Variants in DOCK4 observed in about 807,000 individuals in gnomAD.
DOCK4 encodes the protein dedicator of cytokinesis protein 4.
Under a neutral mutation model 268.1 loss-of-function variants are expected in DOCK4, and 97 were observed. That is an observed-to-expected ratio of 0.36 (90% confidence interval 0.31 to 0.43). The LOEUF is 0.43. Ranked by LOEUF, DOCK4 falls within the 20% of genes least tolerant of loss-of-function variation. The probability of loss-of-function intolerance (pLI) is 1.00; values close to 1 mark genes in which losing one functional copy is unlikely to be tolerated. For synonymous variants in DOCK4, 954 were observed against 887.2 expected (o/e 1.08, Z -1.34); for missense variants, 2,145 against 2,455.7 (o/e 0.87, Z 2.67).
intron 10 of DOCK4, among the ~76,000 whole-genome samples, chr7:111,944,512 A>G (rs1795460704): frequency 6.6e-6 from 1 of 151,628 alleles, no homozygotes; most frequent in South Asian, 2.1e-4. Flanking sequence ...TTTAAGAGAC[A>G]AACACAGAAT....
chr7:112,116,643 T>C (rs1289335308), intron 1 of DOCK4, among the ~76,000 whole-genome samples: 3 of 152,220 alleles, frequency 2.0e-5, no homozygotes, highest in Admixed American at 6.5e-5. Flanking sequence ...AACATATTCA[T>C]AACCAAGGCA....
rs554808424 is a variant in DOCK4 at position 111,987,237 on chromosome 7, G to A, written c.464+1778C>T. Among the ~76,000 whole-genome samples, 8 of 152,218 alleles carry A rather than the reference G, an allele frequency of 5.3e-5. No individual in the cohort carries two copies. In the East Asian group the frequency reaches 1.4e-3, roughly 26 times the overall value. On this transcript the variant is annotated intron_variant, in intron 6 of 52. Coordinates refer to ENST00000428084, the MANE Select transcript of DOCK4 (RefSeq NM_001363540.2). ...GCCCAAAGTACAAGCCAGAACTTAC[G>A]TAAGTCAAAAACTGAGTCATGATTC...
intron 1 of DOCK4, among the ~76,000 whole-genome samples, chr7:112,065,863 C>T (rs1806879021): frequency 6.6e-6 from 1 of 152,052 alleles, no homozygotes; most frequent in African/African-American, 2.4e-5. Flanking sequence ...CATCAATCAC[C>T]ATTTGATGTA....
At chr7:112,181,400 T>C (rs1373308044) in intron 1 of DOCK4, among the ~76,000 whole-genome samples, 1 of 152,074 alleles carries the variant, frequency 6.6e-6, no homozygotes, top group Non-Finnish European at 1.5e-5. Flanking sequence ...ACACCTATAA[T>C]CCCAGCACTT....
At chr7:112,144,431 G>C (rs1294049102) in intron 1 of DOCK4, among the ~76,000 whole-genome samples, 1 of 152,186 alleles carries the variant, frequency 6.6e-6, no homozygotes, top group Non-Finnish European at 1.5e-5. Flanking sequence ...CTCGGGAACA[G>C]TTTGACATTT....
chr7:111,762,242 C>T (rs1797454295), intron 39 of DOCK4, among the ~76,000 whole-genome samples: 1 of 151,798 alleles, frequency 6.6e-6, no homozygotes, highest in Non-Finnish European at 1.5e-5. Flanking sequence ...CAATAAAATC[C>T]ACCTTTTAAA....
chr7:111,983,854 G>GCA (rs57739762), intron 7 of DOCK4, among the ~76,000 whole-genome samples: 25 of 87,958 alleles, frequency 2.8e-4, no homozygotes, highest in Non-Finnish European at 4.7e-4. Context: ...ACGCGCGCGC[G>GCA]CGCGCGCGCA....
intron 1 of DOCK4, among the ~76,000 whole-genome samples, chr7:112,091,524 T>C (rs1809625999): frequency 6.6e-6 from 1 of 152,182 alleles, no homozygotes; most frequent in African/African-American, 2.4e-5. Flanking sequence ...TCTGCTAGAA[T>C]AGGTACTCCT....
At chr7:112,083,031 TA>T (rs1291270963) in intron 1 of DOCK4, among the ~76,000 whole-genome samples, 5 of 152,140 alleles carry the variant, frequency 3.3e-5, no homozygotes, top group African/African-American at 1.2e-4. Flanking sequence ...TAGCACTAAT[TA>T]TAATTAGCAT....
At chr7:111,942,131 T>C (rs73428874) in intron 10 of DOCK4, among the ~76,000 whole-genome samples, 17,838 of 152,060 alleles carry the variant, frequency 0.12, 1,433 homozygotes, top group East Asian at 0.37. Flanking sequence ...AGGAAGGTAG[T>C]GGGAGTGGGG....
At chr7:111,807,336 A>C (rs968400121) in intron 30 of DOCK4, among the ~76,000 whole-genome samples, 1 of 152,230 alleles carries the variant, frequency 6.6e-6, no homozygotes, top group African/African-American at 2.4e-5. Flanking sequence ...CAAAGAATCA[A>C]TGAAACCTGA....
chr7:111,872,890 CA>C (rs1806541143), intron 17 of DOCK4, among the ~76,000 whole-genome samples: 1 of 152,200 alleles, frequency 6.6e-6, no homozygotes, highest in African/African-American at 2.4e-5. Context: ...GTAGCACTTA[CA>C]AATCCTTACA....
intron 1 of DOCK4, among the ~76,000 whole-genome samples, chr7:112,015,532 C>G (rs1452182652): frequency 6.6e-6 from 1 of 152,112 alleles, no homozygotes; most frequent in Non-Finnish European, 1.5e-5. Flanking sequence ...TGCTTGAGAT[C>G]CAAGAACCCT....
chr7:111,993,485 C>G (rs1799694622), intron 5 of DOCK4, among the ~76,000 whole-genome samples: 1 of 152,284 alleles, frequency 6.6e-6, no homozygotes, highest in Admixed American at 6.5e-5. Context: ...GGGGTGAGTA[C>G]TTCACTCTCT....
At chr7:111,832,129 G>T (rs1022578491) in intron 26 of DOCK4, among the ~76,000 whole-genome samples, 19 of 152,154 alleles carry the variant, frequency 1.2e-4, no homozygotes, top group Admixed American at 7.2e-4. Context: ...TATTATAAAG[G>T]TGGGGTAGAG....
chr7:112,098,742 T>C (rs758892961), intron 1 of DOCK4, among the ~76,000 whole-genome samples: 19 of 142,076 alleles, frequency 1.3e-4, no homozygotes, highest in African/African-American at 1.8e-4. Flanking sequence ...ATTCAGTATA[T>C]GTTAATTTGG....
At chr7:111,767,147 A>C in intron 37 of DOCK4, 29 bp from the exon 38 acceptor site, 1 of 1,586,308 alleles carries the variant, frequency 6.3e-7, no homozygotes, top group South Asian at 1.1e-5. Context: ...GATCAATGGA[A>C]CCATCTGACA....
chr7:111,777,549 C>T (rs1798526149), intron 36 of DOCK4, among the ~76,000 whole-genome samples: 1 of 152,170 alleles, frequency 6.6e-6, no homozygotes, highest in Non-Finnish European at 1.5e-5. Context: ...AGATGTAATA[C>T]ATGTGGCAAC....
chr7:112,111,113 G>A (rs1811609452), intron 1 of DOCK4, among the ~76,000 whole-genome samples: 1 of 152,230 alleles, frequency 6.6e-6, no homozygotes, highest in Non-Finnish European at 1.5e-5. Flanking sequence ...TACAGGAAGA[G>A]TGGTCTTTTA....
Sources: gnomAD v4.1 joint callset for allele counts (sites outside exome capture counted in the v4.1 genomes callset) on GRCh38, gnomAD v4.1.1 for gene constraint, MANE v1.5 for transcripts, NCBI Gene and HGNC (gene_info 2026-07-23, HGNC 2026-07-21) for gene names.